C5orf22: variants seen among roughly 807,000 people sequenced by gnomAD.
The protein encoded by C5orf22 is chromosome 5 open reading frame 22, also known as UPF0489 protein C5orf22.
Under a neutral mutation model 48.7 loss-of-function variants are expected in C5orf22, and 36 were observed. That is an observed-to-expected ratio of 0.74 (90% CI 0.57 to 0.98). The LOEUF is 0.98. Among genes scored for constraint, C5orf22 ranks in the 50% least tolerant of loss-of-function variants. The pLI is 0.00. For synonymous variants in C5orf22, 141 were observed against 180.8 expected, an observed-to-expected ratio of 0.78 and a Z score of 1.76; for missense variants, 486 against 521.9, an observed-to-expected ratio of 0.93 and a Z score of 0.67.
chr5:31,533,845 T>A (rs62348757), intron 1 of C5orf22, among the ~76,000 whole-genome samples: 1 of 151,958 alleles, frequency 6.6e-6, no homozygotes, highest in Non-Finnish European at 1.5e-5. Context: ...AAGGCTGCAG[T>A]GAGCCATGAT....
At chr5:31,552,595 T>C (rs1743350928) in intron 8 of C5orf22, among the ~76,000 whole-genome samples, 178 bp from the exon 9 acceptor site, 1 of 152,206 alleles carries the variant, frequency 6.6e-6, no homozygotes, top group Non-Finnish European at 1.5e-5. Context: ...TTAAAGAACA[T>C]AATTTATGTA....
intron 6 of C5orf22, among the ~76,000 whole-genome samples, chr5:31,543,582 A>G (rs1207656268): frequency 1.3e-5 from 2 of 149,868 alleles, no homozygotes; most frequent in Non-Finnish European, 2.9e-5. Flanking sequence ...AAAAAGAAAG[A>G]AAAAAAAATC....
chr5:31,532,572 AG>A (rs1293704749), intron 1 of C5orf22, 99 bp downstream of exon 1: 2 of 983,842 alleles, frequency 2.0e-6, no homozygotes, highest in African/African-American at 3.3e-5. Flanking sequence ...GAGGCCAGAG[AG>A]TTAACCAGAG....
intron 8 of C5orf22, 83 bp from the exon 9 acceptor site, chr5:31,552,690 T>C: frequency 8.1e-7 from 1 of 1,238,416 alleles, no homozygotes; most frequent in East Asian, 2.4e-5. Context: ...TGTTTTACAT[T>C]GAAATGAACA....
intron 6 of C5orf22, among the ~76,000 whole-genome samples, chr5:31,544,032 C>T (rs992404019): frequency 1.3e-5 from 2 of 152,178 alleles, no homozygotes; most frequent in Admixed American, 1.3e-4. Context: ...CCTAAAGAGC[C>T]AGACCCTCGG....
chr5:31,550,258 C>G (rs547613349), intron 7 of C5orf22, among the ~76,000 whole-genome samples: 24 of 152,122 alleles, frequency 1.6e-4, no homozygotes, highest in Non-Finnish European at 2.8e-4. Flanking sequence ...TAGTTAAGTT[C>G]CAGTTTTCAA....
chr5:31,544,879 G>A (rs755507225), intron 6 of C5orf22, among the ~76,000 whole-genome samples: 2 of 152,016 alleles, frequency 1.3e-5, no homozygotes, highest in African/African-American at 4.8e-5. Flanking sequence ...AGGCTGCAGT[G>A]AGCCATGATC....
At position 31,553,342 on chromosome 5, in the gene C5orf22, G is replaced by A. The variant is rs1426447383; in HGVS notation, c.*440G>A. On this transcript the variant is annotated 3_prime_UTR_variant, in exon 9 of 9. Coordinates refer to ENST00000325366, the MANE Select transcript of C5orf22 (RefSeq NM_018356.3). ...AGACAAGGCCCCTGCCCTTTTAGGG[G>A]AGACAGATGAGAAGTAAATTACGGG... The A allele has an allele frequency of 1.3e-5, 2 of 154,204 alleles. No individual in the cohort carries two copies. The highest frequency in any genetic ancestry group is 4.8e-5 in the African/African-American group (2 of 41,432). The allele number at this position is 154,204 out of a possible 1,614,324, so 9.6% of individuals were successfully genotyped here.
At chr5:31,548,539 C>G in intron 7 of C5orf22, 1 of 449,122 alleles carries the variant, frequency 2.2e-6, no homozygotes, top group Non-Finnish European at 4.5e-6. Context: ...GCCTGGATTT[C>G]ATTGTCCATG....
rs908446412 is a variant in C5orf22, at chr5:31,553,901, T to C, written c.*999T>C. The C allele has an allele frequency of 3.3e-5, 5 of 152,228 alleles. No individual in the cohort carries two copies. The highest frequency in any genetic ancestry group is 1.2e-4 in the African/African-American group (5 of 41,458). 9.4% of individuals were successfully genotyped at this position (152,228 alleles called of 1,614,324 possible). On this transcript the variant is annotated 3_prime_UTR_variant, in exon 9 of 9. Transcript: ENST00000325366. The stretch of plus-strand genomic sequence containing the variant: ...ATAATATAGTGCCTAAGTGCCACTT[T>C]ATTGCCAAGTCTAGATTGATACTTT...
At chr5:31,546,695 T>C (rs1255947633) in intron 7 of C5orf22, among the ~76,000 whole-genome samples, 1 of 152,108 alleles carries the variant, frequency 6.6e-6, no homozygotes, top group Admixed American at 6.5e-5. Flanking sequence ...CAGGGAGACT[T>C]TTGTTTTTAA....
In C5orf22 at chr5:31,553,736, A is replaced by G. The variant is rs981198114; in HGVS notation, c.*834A>G. ...CTGCTCTTGCCAAATGCTCTCCAGCATTGTTGGTATCAAGGTGGTCTGGTT... is the reference window on the plus strand; with the variant it reads ...CTGCTCTTGCCAAATGCTCTCCAGCGTTGTTGGTATCAAGGTGGTCTGGTT... On this transcript the variant is annotated 3_prime_UTR_variant, in exon 9 of 9. Transcript: ENST00000325366. The G allele has an allele frequency of 6.6e-6, 1 of 152,228 alleles. No individual in the cohort carries two copies. Among genetic ancestry groups the G allele is most frequent in the East Asian group, 1.9e-4 (1 of 5,198 alleles). The allele number at this position is 152,228 out of a possible 1,614,324, so 9.4% of individuals were successfully genotyped here.
intron 6 of C5orf22, among the ~76,000 whole-genome samples, chr5:31,545,304 C>T (rs989578938): frequency 3.9e-5 from 6 of 152,090 alleles, no homozygotes; most frequent in African/African-American, 7.2e-5. Flanking sequence ...GTGATCCGCC[C>T]GCCTCGGCCT....
intron 4 of C5orf22, 155 bp from the exon 5 acceptor site, chr5:31,540,789 CTAAAG>C: frequency 1.7e-6 from 1 of 580,448 alleles, no homozygotes; most frequent in Admixed American, 3.1e-5. Flanking sequence ...CAATAAAAAT[CTAAAG>C]TATACATTTT....
chr5:31,538,324 A>G lies in C5orf22; in HGVS notation c.442A>G (p.Asn148Asp), dbSNP rs1210591675. 6.2e-7 allele frequency: 1 copy of G among 1,614,022 alleles called. No homozygotes were observed. Among genetic ancestry groups the G allele is most frequent in the South Asian group, 1.1e-5 (1 of 91,068 alleles). ...GLYVPEDQLE[N>D]QKPLQLDVIM... ...GTATGTACCTGAAGACCAGCTAGAG[A>G]ACCAAAAACCTTTACAATTGGATGT... Residue 148 changes from asparagine (N) to aspartate (D), a missense_variant, in exon 4 of 9, where the codon AAC becomes GAC. This residue lies in a region of C5orf22 where 408 missense variants were observed against 444.0 expected (regional missense o/e 0.92). Coordinates refer to ENST00000325366, the MANE Select transcript of C5orf22 (RefSeq NM_018356.3).
chr5:31,550,621 A>G (rs1353626224), intron 7 of C5orf22, among the ~76,000 whole-genome samples: 2 of 152,024 alleles, frequency 1.3e-5, no homozygotes, highest in Non-Finnish European at 2.9e-5. Flanking sequence ...GCTGGAGTGC[A>G]ATGGCACGAT....
At chr5:31,538,085 T>C (rs1355530732) in intron 3 of C5orf22, 175 bp from the exon 4 acceptor site, 3 of 579,116 alleles carry the variant, frequency 5.2e-6, no homozygotes, top group Non-Finnish European at 9.3e-6. Context: ...GGCAGCTGTG[T>C]GTCCAGCTAA....
At chr5:31,544,426 TA>T (rs958665514) in intron 6 of C5orf22, among the ~76,000 whole-genome samples, 2 of 151,370 alleles carry the variant, frequency 1.3e-5, no homozygotes, top group Non-Finnish European at 2.9e-5. Context: ...TACTAAAAAA[TA>T]AAAAAAATTA....
chr5:31,537,685 T>C (rs762736433), intron 3 of C5orf22, among the ~76,000 whole-genome samples: 1 of 152,250 alleles, frequency 6.6e-6, no homozygotes, highest in Non-Finnish European at 1.5e-5. Context: ...GAGTTTCTAT[T>C]AAGAGAAATT....
Sources: allele counts gnomAD v4.1 joint callset (sites outside exome capture counted in the v4.1 genomes callset), GRCh38; gene constraint gnomAD v4.1.1; regional missense constraint gnomAD v4.1.1; transcripts MANE v1.5; gene names NCBI Gene and HGNC (gene_info 2026-07-23, HGNC 2026-07-21).